RAPGEF2: variants seen among roughly 807,000 people sequenced by gnomAD.
The protein encoded by RAPGEF2 is PDZ domain containing guanine nucleotide exchange factor (GEF) 1.
In RAPGEF2, 54 loss-of-function variants were observed where a neutral mutation model predicts 186.7. The ratio of observed to expected loss-of-function variants is 0.29; its 90% confidence interval spans 0.23 to 0.36. The LOEUF (loss-of-function observed/expected upper bound fraction) is 0.36. Ranked by LOEUF, RAPGEF2 falls within the 10% of genes least tolerant of loss-of-function variation. The probability of loss-of-function intolerance (pLI) is 1.00; values close to 1 mark genes in which losing one functional copy is unlikely to be tolerated. For missense variants in RAPGEF2, 1,532 were observed against 2,045.0 expected, an observed-to-expected ratio of 0.75 and a Z score of 4.84; for synonymous variants, 712 against 705.9, an observed-to-expected ratio of 1.01 and a Z score of -0.14.
intron 1 of RAPGEF2, among the ~76,000 whole-genome samples, chr4:159,151,418 G>T (rs1435918389): frequency 5.3e-5 from 8 of 152,142 alleles, no homozygotes; most frequent in African/African-American, 1.9e-4. Flanking sequence ...TATTAAATAG[G>T]TTGTTTATTT....
chr4:159,269,944 A>G (rs1345616867), intron 7 of RAPGEF2, among the ~76,000 whole-genome samples: 2 of 152,224 alleles, frequency 1.3e-5, no homozygotes, highest in African/African-American at 4.8e-5. Flanking sequence ...ATATTACCCA[A>G]TAGTGCCTAA....
intron 1 of RAPGEF2, among the ~76,000 whole-genome samples, chr4:159,143,497 C>A (rs1050132843): frequency 1.3e-5 from 2 of 152,242 alleles, no homozygotes; most frequent in East Asian, 3.9e-4. Flanking sequence ...TATTTTCTCA[C>A]AGCAAATATT....
rs1737488059 is a variant in RAPGEF2, at chr4:159,104,018, C to T, written c.-145C>T. 3 of 215,852 alleles carry T rather than the reference C, an allele frequency of 1.4e-5. No homozygotes were observed. In the South Asian group the frequency reaches 4.4e-4, roughly 31 times the overall value. The allele number at this position is 215,852 out of a possible 1,614,324, so 13.4% of individuals were successfully genotyped here. ...CCCAGCCGAGCCGCCCCCCCGCGGGCCCCGCGCCGCCGCCGCCGCGGTTTG... is the reference window on the plus strand; with the variant it reads ...CCCAGCCGAGCCGCCCCCCCGCGGGTCCCGCGCCGCCGCCGCCGCGGTTTG... On this transcript the variant is annotated 5_prime_UTR_variant, in exon 1 of 30. Transcript: ENST00000691494.
intron 1 of RAPGEF2, among the ~76,000 whole-genome samples, chr4:159,130,679 TTACTC>T (rs765774807): frequency 6.6e-6 from 1 of 152,186 alleles, no homozygotes; most frequent in Non-Finnish European, 1.5e-5. Context: ...AGCGAATAAA[TTACTC>T]TAAATAAAAG....
At position 159,333,886 on chromosome 4, in the gene RAPGEF2, T is replaced by C. The variant is rs182960212; in HGVS notation, c.2135+1189T>C. The stretch of plus-strand genomic sequence containing the variant: ...GGACTATATCAAACACTTCTTTTTC[T>C]TTTTTAAAAAAATTCCGTTTCAGAT... On this transcript the variant is annotated intron_variant, in intron 17 of 29. Transcript: ENST00000691494. Among the ~76,000 whole-genome samples the C allele has an allele frequency of 5.9e-5, 9 of 152,330 alleles. No homozygotes were observed. In the East Asian group the frequency reaches 1.5e-3, roughly 26 times the overall value.
At chr4:159,241,457 A>G (rs1753982327) in intron 6 of RAPGEF2, 89 bp downstream of exon 6, 1 of 687,102 alleles carries the variant, frequency 1.5e-6, no homozygotes, top group African/African-American at 1.9e-5. Context: ...ATTTTTGACA[A>G]ATCTTTTCAA....
At chr4:159,186,850 T>C in intron 2 of RAPGEF2, 138 bp downstream of exon 2, 1 of 516,498 alleles carries the variant, frequency 1.9e-6, no homozygotes, top group Non-Finnish European at 3.3e-6. Context: ...TCTGATATTT[T>C]AATACATGTA....
intron 7 of RAPGEF2, among the ~76,000 whole-genome samples, chr4:159,299,719 G>A (rs2111020488): frequency 6.6e-6 from 1 of 151,892 alleles, no homozygotes; most frequent in South Asian, 2.1e-4. Context: ...TCATCTTTAT[G>A]TTCAAGATCG....
Position 159,341,931 on chromosome 4 carries a change from A to G in RAPGEF2, c.2902A>G (p.Met968Val). 6.3e-7 allele frequency: 1 copy of G among 1,593,784 alleles called. No homozygotes were observed. The highest frequency in any genetic ancestry group is 8.5e-7 in the Non-Finnish European group (1 of 1,171,764). Reference sequence around the variant, plus strand: ...TAGGGAATGCAAGAATTTTAACTCAATGTTTGCAATCATCAGGTAAGAGAG... The same window carrying G: ...TAGGGAATGCAAGAATTTTAACTCAGTGTTTGCAATCATCAGGTAAGAGAG... ...HCRECKNFNSMFAIISGLNLA... is the reference protein window; with the variant it reads ...HCRECKNFNSVFAIISGLNLA... Residue 968 changes from methionine (M) to valine (V), a missense_variant, in exon 20 of 30, where the codon ATG becomes GTG. By Grantham distance (21) the Met-to-Val change is conservative (BLOSUM62 1). Around this residue, in one of 4 missense-constraint regions of RAPGEF2, gnomAD observed 810 missense variants for 1,210.5 expected, o/e 0.67. Transcript: ENST00000691494.
intron 1 of RAPGEF2, among the ~76,000 whole-genome samples, chr4:159,164,035 C>T (rs1171389724): frequency 2.0e-5 from 3 of 150,636 alleles, no homozygotes; most frequent in Non-Finnish European, 2.9e-5. Flanking sequence ...GACGGAGTCT[C>T]GCCGTGTCCC....
intron 8 of RAPGEF2, among the ~76,000 whole-genome samples, chr4:159,308,484 C>T (rs1763570345): frequency 6.6e-6 from 1 of 152,222 alleles, no homozygotes; most frequent in Non-Finnish European, 1.5e-5. Flanking sequence ...TCCTCTGCTT[C>T]TCTCCTGTGA....
At chr4:159,194,267 G>T (rs1353005542) in intron 3 of RAPGEF2, among the ~76,000 whole-genome samples, 1 of 152,154 alleles carries the variant, frequency 6.6e-6, no homozygotes, top group East Asian at 1.9e-4. Flanking sequence ...GGTCAGGGTG[G>T]TAAGTCAGGA....
Position 159,332,439 on chromosome 4 carries a change from CATTT to C in RAPGEF2, c.1889-7_1889-4del, listed in dbSNP as rs770141334. The C allele has an allele frequency of 1.2e-6, 2 of 1,604,592 alleles. No homozygotes were observed. The highest frequency in any genetic ancestry group is 4.5e-5 in the East Asian group (2 of 44,798). The stretch of plus-strand genomic sequence containing the variant: ...TGCCATTACGTGGTGTTTCTGTTTT[CATTT>C]ATTTTAGTATTTAAAGAACTTCTAA... On this transcript the variant is annotated splice_region_variant and splice_polypyrimidine_tract_variant and intron_variant, in intron 16 of 29. Coordinates refer to ENST00000691494, the MANE Select transcript of RAPGEF2 (RefSeq NM_001394067.2).
At position 159,174,122 on chromosome 4, in the gene RAPGEF2, T is replaced by G. The variant is rs527838889; in HGVS notation, c.70-12520T>G. On this transcript the variant is annotated intron_variant, in intron 1 of 29. Coordinates refer to ENST00000691494, the MANE Select transcript of RAPGEF2 (RefSeq NM_001394067.2). ...AAATGAGTTTTTGGTGAAAACTAAA[T>G]TGTTGCTTCTTCTAATGAAAAATCG... Among the ~76,000 whole-genome samples the G allele has an allele frequency of 2.9e-4, 44 of 152,374 alleles. No individual in the cohort carries two copies. The South Asian group carries it at 8.5e-3, about 29-fold the overall frequency.
chr4:159,240,358 G>A (rs1389732162), intron 5 of RAPGEF2, among the ~76,000 whole-genome samples: 1 of 75,830 alleles, frequency 1.3e-5, no homozygotes, highest in African/African-American at 5.3e-5. Context: ...TTTGGAGACG[G>A]AGTCTTGTCG....
chr4:159,283,224 AT>A lies in RAPGEF2; in HGVS notation c.544-21109del, dbSNP rs141694938. Among the ~76,000 whole-genome samples, 1,083 of 151,770 alleles carry A rather than the reference AT, an allele frequency of 7.1e-3. 11 individuals are homozygous for A. Among genetic ancestry groups the A allele is most frequent in the African/African-American group, 0.024 (1,009 of 41,412 alleles). On this transcript the variant is annotated intron_variant, in intron 7 of 29. Transcript: ENST00000691494. ...ACCTTTGGTTAATGATAAACGTCGAATTTTTTTTTCTAATTTTACTACAGCT... is the reference window on the plus strand; with the variant it reads ...ACCTTTGGTTAATGATAAACGTCGAATTTTTTTTCTAATTTTACTACAGCT...
intron 7 of RAPGEF2, among the ~76,000 whole-genome samples, chr4:159,293,535 A>G (rs890179384): frequency 3.9e-5 from 6 of 152,232 alleles, no homozygotes; most frequent in Non-Finnish European, 8.8e-5. Flanking sequence ...ATGAAATAGG[A>G]TGTTATCAGT....
intron 1 of RAPGEF2, among the ~76,000 whole-genome samples, chr4:159,163,415 G>C (rs933526478): frequency 1.3e-5 from 2 of 151,560 alleles, no homozygotes; most frequent in African/African-American, 4.9e-5. Flanking sequence ...GCTTTTCTGG[G>C]GTGGTAAAAA....
chr4:159,206,039 C>G (rs996959520), intron 3 of RAPGEF2, among the ~76,000 whole-genome samples: 3 of 152,042 alleles, frequency 2.0e-5, no homozygotes, highest in Admixed American at 6.6e-5. Flanking sequence ...ACGCCATTCT[C>G]CTGCCTCAGC....
Sources: allele counts gnomAD v4.1 joint callset (sites outside exome capture counted in the v4.1 genomes callset), GRCh38; gene constraint gnomAD v4.1.1; regional missense constraint gnomAD v4.1.1; transcripts MANE v1.5; gene names NCBI Gene and HGNC (gene_info 2026-07-23, HGNC 2026-07-21).